KPNA3: variants seen among roughly 807,000 people sequenced by gnomAD.
KPNA3 encodes importin subunit alpha-4.
In KPNA3, 13 loss-of-function variants were observed where a neutral mutation model predicts 73.8. The ratio of observed to expected loss-of-function variants is 0.18; its 90% CI spans 0.11 to 0.28. KPNA3 has a LOEUF of 0.28. Ranked by LOEUF, KPNA3 falls within the 10% of genes least tolerant of loss-of-function variation. The probability of loss-of-function intolerance (pLI) is 1.00; values close to 1 mark genes in which losing one functional copy is unlikely to be tolerated. For missense variants in KPNA3, 360 were observed against 618.1 expected (o/e 0.58, Z 4.43); for synonymous variants, 186 against 206.9 (o/e 0.90, Z 0.87).
chr13:49,732,097 C>G (rs890786986), intron 6 of KPNA3, among the ~76,000 whole-genome samples: 1 of 151,952 alleles, frequency 6.6e-6, no homozygotes, highest in African/African-American at 2.4e-5. Flanking sequence ...AATAAAAAAT[C>G]CTAATAAAGA....
intron 9 of KPNA3, among the ~76,000 whole-genome samples, chr13:49,720,212 T>C (rs1434771587): frequency 6.6e-6 from 1 of 152,204 alleles, no homozygotes. Flanking sequence ...ATTGTCTCAC[T>C]TACCTGCTTA....
intron 1 of KPNA3, among the ~76,000 whole-genome samples, chr13:49,760,521 C>T (rs896209321): frequency 5.3e-5 from 8 of 151,900 alleles, no homozygotes; most frequent in Non-Finnish European, 8.8e-5. Flanking sequence ...GATTAAGAGA[C>T]CATAAATTAA....
At chr13:49,729,640 C>T (rs190563070) in intron 6 of KPNA3, among the ~76,000 whole-genome samples, 1 of 152,094 alleles carries the variant, frequency 6.6e-6, no homozygotes, top group African/African-American at 2.4e-5. Flanking sequence ...ATTAGCTGGG[C>T]GTGGTGGCAG....
intron 10 of KPNA3, among the ~76,000 whole-genome samples, chr13:49,717,938 C>A (rs1815831875): frequency 1.3e-5 from 2 of 152,026 alleles, no homozygotes; most frequent in Non-Finnish European, 1.5e-5. Context: ...TCTATCTTAC[C>A]TTTTTTCTTG....
chr13:49,737,481 G>A (rs1041416995), intron 2 of KPNA3, among the ~76,000 whole-genome samples: 1 of 151,920 alleles, frequency 6.6e-6, no homozygotes, highest in African/African-American at 2.4e-5. Context: ...ATATCTGTAT[G>A]TCCTCCTTTC....
At chr13:49,706,873 C>T (rs772010383) in intron 12 of KPNA3, among the ~76,000 whole-genome samples, 3 of 152,090 alleles carry the variant, frequency 2.0e-5, no homozygotes, top group South Asian at 4.2e-4. Flanking sequence ...CTCAGTCTCC[C>T]GAGTAGCTGG....
In KPNA3 at chr13:49,792,516, C is replaced by T. The variant is rs1189265162; in HGVS notation, c.-10G>A. ...TGGGGTTCTCGGCCATGGCTGCGCG[C>T]GGCTCCGGCGGCGGCTACTCCTGCG... is the stretch of plus-strand genomic sequence containing the variant. On this transcript the variant is annotated 5_prime_UTR_variant, in exon 1 of 17. Coordinates refer to ENST00000261667, the MANE Select transcript of KPNA3 (RefSeq NM_002267.4). 2 of 1,514,806 alleles carry T rather than the reference C, an allele frequency of 1.3e-6. No individual in the cohort carries two copies. The highest frequency in any genetic ancestry group is 1.8e-6 in the Non-Finnish European group (2 of 1,122,084). The allele number at this position is 1,514,806 out of a possible 1,614,324, so 93.8% of individuals were successfully genotyped here.
chr13:49,725,031 G>A (rs1162239117), intron 7 of KPNA3, among the ~76,000 whole-genome samples: 1 of 152,172 alleles, frequency 6.6e-6, no homozygotes, highest in Non-Finnish European at 1.5e-5. Context: ...GTGATATCTA[G>A]TACTTTTCTA....
At chr13:49,785,612 G>C (rs149677942) in intron 1 of KPNA3, among the ~76,000 whole-genome samples, 337 of 152,228 alleles carry the variant, frequency 2.2e-3, no homozygotes, top group Non-Finnish European at 4.0e-3. Context: ...AAGAAAAACA[G>C]TCTACAGATA....
In KPNA3 at chr13:49,706,098, C is replaced by T. The variant is rs751848224; in HGVS notation, c.1209G>A (p.Gln403=). ...SNLTISGRKD[Q]VEYLVQQNVI... is the part of the protein sequence containing the mutation. The stretch of plus-strand genomic sequence containing the variant: ...GACAGTTACAGGTTTTCAAACTCAC[C>T]TGATCTTTTCTGCCACTTATTGTTA... Residue 403 remains glutamine, a splice_region_variant and synonymous_variant, in exon 14 of 17, where the codon CAG becomes CAA. Transcript: ENST00000261667. 4 of 1,612,790 alleles carry T rather than the reference C, an allele frequency of 2.5e-6. No homozygotes were observed. Among genetic ancestry groups the T allele is most frequent in the Non-Finnish European group, 2.5e-6 (3 of 1,179,588 alleles).
intron 1 of KPNA3, among the ~76,000 whole-genome samples, chr13:49,750,869 G>A (rs1008948760): frequency 2.0e-5 from 3 of 152,128 alleles, no homozygotes; most frequent in Non-Finnish European, 4.4e-5. Flanking sequence ...GCGCACGCCT[G>A]TAATCCCAGC....
intron 1 of KPNA3, among the ~76,000 whole-genome samples, chr13:49,773,342 T>C (rs1433513569): frequency 6.6e-6 from 1 of 152,248 alleles, no homozygotes; most frequent in Non-Finnish European, 1.5e-5. Context: ...TACTGATGTG[T>C]ATTACTTCTG....
chr13:49,717,020 C>T (rs1389925462), intron 10 of KPNA3, among the ~76,000 whole-genome samples: 2 of 152,148 alleles, frequency 1.3e-5, no homozygotes, highest in Non-Finnish European at 2.9e-5. Flanking sequence ...TCTCCCTTAA[C>T]GATTCCTATT....
chr13:49,757,886 C>T (rs536787935), intron 1 of KPNA3, among the ~76,000 whole-genome samples: 147 of 152,204 alleles, frequency 9.7e-4, no homozygotes, highest in Non-Finnish European at 1.7e-3. Flanking sequence ...AAATACTGTA[C>T]GAGCATCTTG....
chr13:49,750,498 T>C (rs1384714649), intron 1 of KPNA3, among the ~76,000 whole-genome samples: 2 of 152,092 alleles, frequency 1.3e-5, no homozygotes, highest in African/African-American at 2.4e-5. Context: ...ATTGTGCTCA[T>C]GTGTGCACCT....
intron 12 of KPNA3, 23 bp from the exon 13 acceptor site, chr13:49,706,395 G>A (rs1455964187): frequency 6.7e-7 from 1 of 1,489,890 alleles, no homozygotes. Context: ...AAAATATAGG[G>A]CACCTTTATT....
chr13:49,772,023 T>C (rs1343796527), intron 1 of KPNA3, among the ~76,000 whole-genome samples: 1 of 152,216 alleles, frequency 6.6e-6, no homozygotes, highest in Admixed American at 6.5e-5. Flanking sequence ...TATACTGATC[T>C]TGTATCCTGC....
At chr13:49,770,834 C>CA (rs759842886) in intron 1 of KPNA3, among the ~76,000 whole-genome samples, 1,035 of 85,172 alleles carry the variant, frequency 0.012, 5 homozygotes, top group South Asian at 0.024. Context: ...ACCCACCTAC[C>CA]AAAAAAAAAA....
Position 49,792,493 on chromosome 13 carries a change from G to C in KPNA3, c.14C>G (p.Pro5Arg). Reference sequence around the variant, plus strand: ...CTTGATGCGGTGGTTCTCCAAGCTGGGGTTCTCGGCCATGGCTGCGCGCGG... The same window carrying C: ...CTTGATGCGGTGGTTCTCCAAGCTGCGGTTCTCGGCCATGGCTGCGCGCGG... MAEN[P>R]SLENHRIKSF... The change falls in exon 1 of 17, where the codon CCC (proline) becomes CGC (arginine). Residue 5 changes from proline to arginine, a missense_variant. By Grantham distance (103) the Pro-to-Arg change is moderately radical (BLOSUM62 -2). This residue lies in a region of KPNA3 where 35 missense variants were observed against 30.0 expected (regional missense o/e 1.17). Transcript: ENST00000261667. 1 of 1,582,802 alleles carries C rather than the reference G, an allele frequency of 6.3e-7. No homozygotes were observed.
Sources: gnomAD v4.1 joint callset for allele counts (sites outside exome capture counted in the v4.1 genomes callset) on GRCh38, gnomAD v4.1.1 for gene constraint, gnomAD v4.1.1 regional missense constraint, MANE v1.5 for transcripts, NCBI Gene and HGNC (gene_info 2026-07-23, HGNC 2026-07-21) for gene names.